IMPG2: variants seen among roughly 807,000 people sequenced by gnomAD.
The protein encoded by IMPG2 is IPM 200.
Under a neutral mutation model 129.2 loss-of-function variants are expected in IMPG2, and 91 were observed. That is an observed-to-expected ratio of 0.70 (90% confidence interval 0.59 to 0.84). IMPG2 has a LOEUF of 0.84. Among genes scored for constraint, IMPG2 ranks in the 40% least tolerant of loss-of-function variants. The pLI is 0.00. For missense variants in IMPG2, 1,430 were observed against 1,461.7 expected (o/e 0.98, Z 0.35); for synonymous variants, 510 against 517.7 (o/e 0.99, Z 0.20).
At chr3:101,230,256 G>A (rs190789245) in intron 16 of IMPG2, among the ~76,000 whole-genome samples, 125 of 152,282 alleles carry the variant, frequency 8.2e-4, no homozygotes, top group Non-Finnish European at 1.4e-3. Context: ...GACTTCAGAC[G>A]CACAGAAGCA....
Position 101,222,643 on chromosome 3 carries a change from T to G in IMPG2, c.*4326A>C, listed in dbSNP as rs150973751. The stretch of plus-strand genomic sequence containing the variant: ...ATAAAGACTTTAAAATGTTTATTTC[T>G]AATTATCCAATAATAAGACTAGAAC... On this transcript the variant is annotated 3_prime_UTR_variant, in exon 19 of 19. Transcript: ENST00000193391. 3.2e-3 allele frequency: 483 copies of G among 152,356 alleles called. 4 individuals are homozygous for G. The highest frequency in any genetic ancestry group is 0.011 in the African/African-American group (461 of 41,564). The allele number at this position is 152,356 out of a possible 1,614,324, so 9.4% of individuals were successfully genotyped here.
At chr3:101,252,897 G>C (rs907639520) in intron 11 of IMPG2, among the ~76,000 whole-genome samples, 2 of 152,160 alleles carry the variant, frequency 1.3e-5, no homozygotes, top group African/African-American at 2.4e-5. Flanking sequence ...GGGAAGAAAA[G>C]CAAGGAATGT....
chr3:101,254,785 C>T (rs200241757), intron 10 of IMPG2, among the ~76,000 whole-genome samples: 2 of 152,150 alleles, frequency 1.3e-5, no homozygotes, highest in East Asian at 1.9e-4. Context: ...CGATCCCAAG[C>T]GTTGAAGGTG....
At chr3:101,289,975 T>C (rs1401424181) in intron 4 of IMPG2, among the ~76,000 whole-genome samples, 2 of 149,912 alleles carry the variant, frequency 1.3e-5, no homozygotes, top group Non-Finnish European at 3.0e-5. Context: ...CATTCACTGA[T>C]GAGAGGAACG....
At chr3:101,249,080 C>A (rs1393529946) in intron 11 of IMPG2, among the ~76,000 whole-genome samples, 1 of 152,206 alleles carries the variant, frequency 6.6e-6, no homozygotes. Flanking sequence ...ACAATTACAG[C>A]TCCAGCTGTC....
chr3:101,253,610 A>G, intron 11 of IMPG2, 86 bp downstream of exon 11: 2 of 897,378 alleles, frequency 2.2e-6, no homozygotes, highest in Non-Finnish European at 3.7e-6. Flanking sequence ...ACAGCTTGGG[A>G]AATTTATAAT....
intron 11 of IMPG2, among the ~76,000 whole-genome samples, chr3:101,251,081 TA>T (rs1020666136): frequency 3.3e-5 from 5 of 152,058 alleles, no homozygotes; most frequent in South Asian, 2.1e-4. Flanking sequence ...AAATGTACCT[TA>T]AAAAAAATTC....
rs1576739698 is a variant in IMPG2 at position 101,224,605 on chromosome 3, A to T, written c.*2364T>A. ...CTTTAGGGGTAGTTTTTTCCATCAA[A>T]CTAATAGCTCCTTTAGTGCTTTGCT... is the stretch of plus-strand genomic sequence containing the variant. On this transcript the variant is annotated 3_prime_UTR_variant, in exon 19 of 19. Transcript: ENST00000193391. The T allele has an allele frequency of 6.6e-6, 1 of 152,160 alleles. No individual in the cohort carries two copies. Among genetic ancestry groups the T allele is most frequent in the Non-Finnish European group, 1.5e-5 (1 of 68,016 alleles). The allele number at this position is 152,160 out of a possible 1,614,324, so 9.4% of individuals were successfully genotyped here. A position where few individuals can be genotyped will look rare whatever the true frequency, so the allele number is the denominator to read the frequency against.
At chr3:101,248,717 A>G (rs1361805115) in intron 11 of IMPG2, among the ~76,000 whole-genome samples, 1 of 152,246 alleles carries the variant, frequency 6.6e-6, no homozygotes, top group African/African-American at 2.4e-5. Context: ...TCTTAAAACT[A>G]AAAGCACTCT....
intron 14 of IMPG2, among the ~76,000 whole-genome samples, chr3:101,233,631 G>A (rs1360175391): frequency 6.6e-6 from 1 of 152,108 alleles, no homozygotes; most frequent in Non-Finnish European, 1.5e-5. Context: ...ATAGGGTGAG[G>A]GAAAATGACT....
At position 101,242,875 on chromosome 3, in the gene IMPG2, C is replaced by A. The variant is rs747933808; in HGVS notation, c.2835G>T (p.Gly945=). The change falls in exon 14 of 19, where the codon GGG becomes GGT. Residue 945 remains glycine, a synonymous_variant. Coordinates refer to ENST00000193391, the MANE Select transcript of IMPG2 (RefSeq NM_016247.4). The part of the protein sequence containing the change: ...LVPYLQSNLT[G]FQNLEILNFR... ...AGTTGAGGATTTCTAAGTTCTGGAA[C>A]CCCGTGAGATTTGACTGGAGATAGG... 1.2e-5 allele frequency: 19 copies of A among 1,613,886 alleles called. No homozygotes were observed. In the African/African-American group the frequency reaches 2.4e-4, roughly 20 times the overall value.
chr3:101,320,411 C>A lies in IMPG2; in HGVS notation c.-39G>T. ...AAAGGAATGAGGAGAGGACAGAATCCTTAATTGAGTGTCCAAATCCTTGAA... is the reference window on the plus strand; with the variant it reads ...AAAGGAATGAGGAGAGGACAGAATCATTAATTGAGTGTCCAAATCCTTGAA... On this transcript the variant is annotated 5_prime_UTR_variant, in exon 1 of 19. The change creates a new upstream start codon in the 5' untranslated region. Transcript: ENST00000193391. 8.0e-7 allele frequency: 1 copy of A among 1,257,712 alleles called. No individual in the cohort carries two copies. The highest frequency in any genetic ancestry group is 1.2e-5 in the South Asian group (1 of 82,810). 77.9% of individuals were successfully genotyped at this position (1,257,712 alleles called of 1,614,324 possible).
In IMPG2 at chr3:101,243,958, C is replaced by G. The variant is rs778693256; in HGVS notation, c.2373G>C (p.Glu791Asp). Residue 791 changes from glutamate (E) to aspartate (D), a missense_variant, in exon 13 of 19, where the codon GAG becomes GAC. Transcript: ENST00000193391. ...TTGCCAATATGTCTCTGGACAATTT[C>G]TCTAGGGAAGAAGTTCTTGTCCAAA... ...ERVWTRTSSLEKLSRDILAST... is the reference protein window; with the variant it reads ...ERVWTRTSSLDKLSRDILAST... The G allele has an allele frequency of 3.1e-6, 5 of 1,614,198 alleles. No homozygotes were observed. In the South Asian group the frequency reaches 5.5e-5, roughly 18 times the overall value.
Position 101,244,558 on chromosome 3 carries a change from C to T in IMPG2, c.1773G>A (p.Met591Ile). 15 of 1,592,736 alleles carry T rather than the reference C, an allele frequency of 9.4e-6. No homozygotes were observed. Among genetic ancestry groups the T allele is most frequent in the Non-Finnish European group, 1.3e-5 (15 of 1,170,242 alleles). Residue 591 changes from methionine (M) to isoleucine (I), a missense_variant, in exon 13 of 19, where the codon ATG (methionine) becomes ATA (isoleucine). Met to Ile is a conservative substitution (Grantham distance 10, BLOSUM62 1). Transcript: ENST00000193391. The part of the protein sequence containing the change: ...KVSPFLPDAS[M>I]EKELIFDGGL... ...CACCGTCAAATATTAACTCTTTTTCCATGGATGCATCTGGCAGGAAAGGGC... is the reference window on the plus strand; with the variant it reads ...CACCGTCAAATATTAACTCTTTTTCTATGGATGCATCTGGCAGGAAAGGGC...
intron 2 of IMPG2, among the ~76,000 whole-genome samples, chr3:101,315,778 T>C (rs1163022240): frequency 6.6e-6 from 1 of 151,986 alleles, no homozygotes; most frequent in Non-Finnish European, 1.5e-5. Flanking sequence ...TTTGTAAAAA[T>C]TGGTAAGCTG....
chr3:101,262,126 A>G (rs2107239190), intron 9 of IMPG2, among the ~76,000 whole-genome samples: 1 of 152,242 alleles, frequency 6.6e-6, no homozygotes. Context: ...TTTCATCAAG[A>G]TCAACCAAAA....
At chr3:101,270,148 G>T (rs1205059784) in intron 7 of IMPG2, among the ~76,000 whole-genome samples, 1 of 151,794 alleles carries the variant, frequency 6.6e-6, no homozygotes, top group African/African-American at 2.4e-5. Flanking sequence ...TGTTGGCCAG[G>T]CTGGTCTCGA....
chr3:101,309,371 A>C (rs911860182), intron 2 of IMPG2, among the ~76,000 whole-genome samples: 3 of 152,196 alleles, frequency 2.0e-5, no homozygotes, highest in African/African-American at 7.2e-5. Context: ...GATTTAAATT[A>C]TTCACAGTTC....
intron 10 of IMPG2, among the ~76,000 whole-genome samples, chr3:101,256,145 A>AAAGAAAAGAAAGAAAG (rs1553682271): frequency 1.3e-5 from 1 of 77,538 alleles, no homozygotes; most frequent in African/African-American, 5.2e-5. Context: ...AGAAAGAAAG[A>AAAGAAAAGAAAGAAAG]AAAGAAAGAA....
Sources: allele counts gnomAD v4.1 joint callset (sites outside exome capture counted in the v4.1 genomes callset), GRCh38; gene constraint gnomAD v4.1.1; transcripts MANE v1.5; gene names NCBI Gene and HGNC (gene_info 2026-07-23, HGNC 2026-07-21).